Variants in VCL observed in about 807,000 individuals in gnomAD.
VCL encodes epididymis luminal protein 114.
Under a neutral mutation model 125.7 loss-of-function variants are expected in VCL, and 47 were observed. The observed-to-expected ratio is 0.37, with a 90% confidence interval of 0.30 to 0.48. The LOEUF (loss-of-function observed/expected upper bound fraction) is 0.48, where lower values mean the gene tolerates loss of function less well. VCL is among the 20% of genes least tolerant of loss of function. The pLI, the probability that VCL is intolerant of heterozygous loss-of-function variation, is 0.99. For missense variants in VCL, 1,069 were observed against 1,455.5 expected (o/e 0.73, Z 4.32); for synonymous variants, 458 against 514.6 (o/e 0.89, Z 1.49).
At chr10:74,025,574 A>G (rs1384844062) in intron 1 of VCL, among the ~76,000 whole-genome samples, 1 of 150,566 alleles carries the variant, frequency 6.6e-6, no homozygotes, top group Middle Eastern at 3.2e-3. Context: ...AGATTGCCCC[A>G]CTGCAGTCCA....
In VCL at chr10:74,090,052, G is replaced by T; in HGVS notation, c.1206G>T (p.Pro402=). Reference sequence around the variant, plus strand: ...GGCTTGCAGATCCAAATGGTGGACCGGAAGGAGAAGAGCAGATTCGAGGTG... The same window carrying T: ...GGCTTGCAGATCCAAATGGTGGACCTGAAGGAGAAGAGCAGATTCGAGGTG... ...QNWLADPNGG[P]EGEEQIRGAL... Residue 402 remains proline (P), a synonymous_variant, in exon 10 of 22, where the codon CCG becomes CCT. Transcript: ENST00000211998. 1 of 1,614,094 alleles carries T rather than the reference G, an allele frequency of 6.2e-7. No homozygotes were observed. The highest frequency in any genetic ancestry group is 8.5e-7 in the Non-Finnish European group (1 of 1,180,014).
In VCL at chr10:74,118,639, C is replaced by T; in HGVS notation, c.*470C>T. 1 of 242,540 alleles carries T rather than the reference C, an allele frequency of 4.1e-6. No homozygotes were observed. Among genetic ancestry groups the T allele is most frequent in the Non-Finnish European group, 8.2e-6 (1 of 121,570 alleles). 15.0% of individuals were successfully genotyped at this position (242,540 alleles called of 1,614,324 possible). A position where few individuals can be genotyped will look rare whatever the true frequency, so the allele number is the denominator to read the frequency against. ...GCCTCCCAAAATTGTTTTGAGCTTT[C>T]CATGTTGCTGCCAACCATACCTTCC... On this transcript the variant is annotated 3_prime_UTR_variant, in exon 22 of 22. Coordinates refer to ENST00000211998, the MANE Select transcript of VCL (RefSeq NM_014000.3).
chr10:74,111,878 C>T, intron 18 of VCL, 31 bp from the exon 19 acceptor site: 4 of 1,613,676 alleles, frequency 2.5e-6, no homozygotes, highest in Non-Finnish European at 3.4e-6. Flanking sequence ...AACACTATCC[C>T]TATTTCTCAT....
At chr10:74,028,519 C>T (rs1437175421) in intron 1 of VCL, among the ~76,000 whole-genome samples, 1 of 151,576 alleles carries the variant, frequency 6.6e-6, no homozygotes, top group Non-Finnish European at 1.5e-5. Context: ...GCCTCAGCCT[C>T]CCAAGTAGCT....
downstream of VCL, chr10:74,120,404 C>A (rs1054119962): frequency 3.3e-5 from 5 of 152,234 alleles, no homozygotes; most frequent in Non-Finnish European, 7.3e-5. Flanking sequence ...GGTTAACAGG[C>A]AGAAAGCAGC....
At chr10:74,022,640 C>CTTT (rs1388462004) in intron 1 of VCL, among the ~76,000 whole-genome samples, 1 of 142,882 alleles carries the variant, frequency 7.0e-6, no homozygotes, top group Admixed American at 7.0e-5. Context: ...TCCGTAATGT[C>CTTT]TTTTTTTTTT....
chr10:74,120,704 G>C (rs1237682858), downstream of VCL: 2 of 152,278 alleles, frequency 1.3e-5, no homozygotes, highest in Non-Finnish European at 2.9e-5. Flanking sequence ...TTTTAGTAGA[G>C]ATGGAGTTTC....
At chr10:74,009,824 G>C (rs960853122) in intron 1 of VCL, among the ~76,000 whole-genome samples, 1 of 151,888 alleles carries the variant, frequency 6.6e-6, no homozygotes, top group Non-Finnish European at 1.5e-5. Context: ...GGCCAGGCTG[G>C]TCTTGAACTC....
intron 2 of VCL, among the ~76,000 whole-genome samples, chr10:74,055,744 T>G (rs1841380035): frequency 6.6e-6 from 1 of 152,170 alleles, no homozygotes; most frequent in African/African-American, 2.4e-5. Context: ...ACACTCTTGC[T>G]TGTATACTCA....
At chr10:74,060,762 T>C (rs2136264801) in intron 2 of VCL, among the ~76,000 whole-genome samples, 2 of 152,238 alleles carry the variant, frequency 1.3e-5, no homozygotes, top group Admixed American at 1.3e-4. Context: ...TTTAATCTTC[T>C]TGGTTAGTGA....
At chr10:74,055,249 G>A (rs1209976134) in intron 2 of VCL, among the ~76,000 whole-genome samples, 1 of 152,112 alleles carries the variant, frequency 6.6e-6, no homozygotes, top group Admixed American at 6.6e-5. Flanking sequence ...GCAGTGAGTG[G>A]AGATCATGTC....
chr10:74,115,528 G>A (rs1840298664), intron 21 of VCL, among the ~76,000 whole-genome samples: 1 of 152,178 alleles, frequency 6.6e-6, no homozygotes, highest in Non-Finnish European at 1.5e-5. Flanking sequence ...TGGATCAGTG[G>A]CAGTTAGGAC....
chr10:74,117,993 G>A, intron 21 of VCL, 30 bp from the exon 22 acceptor site: 1 of 1,613,220 alleles, frequency 6.2e-7, no homozygotes, highest in Non-Finnish European at 8.5e-7. Flanking sequence ...CAGGGACCCT[G>A]GGTAACGGAA....
At chr10:74,018,919 A>G (rs1471200428) in intron 1 of VCL, among the ~76,000 whole-genome samples, 2 of 152,062 alleles carry the variant, frequency 1.3e-5, no homozygotes, top group Admixed American at 6.5e-5. Flanking sequence ...ACAAATGAAG[A>G]CCTGTTATAC....
chr10:74,094,196 T>TA, intron 10 of VCL, 75 bp from the exon 11 acceptor site: 1 of 1,576,778 alleles, frequency 6.3e-7, no homozygotes, highest in Non-Finnish European at 8.7e-7. Context: ...CTATTAGCAT[T>TA]TGTCATTAGC....
intron 6 of VCL, among the ~76,000 whole-genome samples, chr10:74,080,845 C>T (rs1163949583): frequency 1.3e-5 from 2 of 152,122 alleles, no homozygotes; most frequent in Non-Finnish European, 2.9e-5. Flanking sequence ...GGCCTCAAGT[C>T]TTTTAAAAAG....
At chr10:74,054,078 T>A (rs1841354419) in intron 2 of VCL, among the ~76,000 whole-genome samples, 1 of 152,066 alleles carries the variant, frequency 6.6e-6, no homozygotes, top group Non-Finnish European at 1.5e-5. Flanking sequence ...TTCTAGTGAG[T>A]TTTTATGTGT....
intron 1 of VCL, among the ~76,000 whole-genome samples, chr10:74,010,965 T>A (rs1157037999): frequency 2.0e-5 from 3 of 149,782 alleles, no homozygotes; most frequent in Non-Finnish European, 4.5e-5. Flanking sequence ...AGGTCAGGAG[T>A]TCGAGACCAG....
chr10:74,043,342 G>A (rs1319719577), intron 2 of VCL, among the ~76,000 whole-genome samples, 189 bp downstream of exon 2: 2 of 146,726 alleles, frequency 1.4e-5, no homozygotes, highest in Non-Finnish European at 3.0e-5. Flanking sequence ...AGGCATTTTT[G>A]ACATAATAAT....
Sources: gnomAD v4.1 joint callset for allele counts (sites outside exome capture counted in the v4.1 genomes callset) on GRCh38, gnomAD v4.1.1 for gene constraint, MANE v1.5 for transcripts, NCBI Gene and HGNC (gene_info 2026-07-23, HGNC 2026-07-21) for gene names.